SLC2A13: variants seen among roughly 807,000 people sequenced by gnomAD.
The protein encoded by SLC2A13 is proton myo-inositol cotransporter.
SLC2A13 carries 32 observed loss-of-function variants against 64.4 expected under a neutral mutation model. The ratio of observed to expected loss-of-function variants is 0.50; its 90% CI spans 0.37 to 0.67. SLC2A13 has a LOEUF of 0.67. SLC2A13 is among the 30% of genes least tolerant of loss of function. The probability of loss-of-function intolerance (pLI) is 0.00; values close to 1 mark genes in which losing one functional copy is unlikely to be tolerated. For synonymous variants in SLC2A13, 338 were observed against 327.1 expected (o/e 1.03, Z -0.36); for missense variants, 743 against 829.2 (o/e 0.90, Z 1.28).
intron 6 of SLC2A13, among the ~76,000 whole-genome samples, chr12:39,837,367 G>T (rs1316146652): frequency 7.3e-6 from 1 of 137,014 alleles, no homozygotes; most frequent in Non-Finnish European, 1.6e-5. Context: ...TTAAACGTTA[G>T]ACCTAAAACC....
At chr12:39,775,841 T>G (rs1004053559) in intron 7 of SLC2A13, among the ~76,000 whole-genome samples, 4 of 152,340 alleles carry the variant, frequency 2.6e-5, no homozygotes, top group South Asian at 2.1e-4. Context: ...AGACCAGAAG[T>G]GTTTCAGATT....
At position 40,064,903 on chromosome 12, in the gene SLC2A13, T is replaced by A. The variant is rs1937665530; in HGVS notation, c.557-16693A>T. On this transcript the variant is annotated intron_variant, in intron 1 of 9. Coordinates refer to ENST00000280871, the MANE Select transcript of SLC2A13 (RefSeq NM_052885.4). ...AAAAATTGATCATTTCAAAGAAAAA[T>A]TATTTTTTCTTAAAACTGAATAATA... Among the ~76,000 whole-genome samples, 4 of 152,084 alleles carry A rather than the reference T, an allele frequency of 2.6e-5. No individual in the cohort carries two copies. The South Asian group carries it at 8.3e-4, about 32-fold the overall frequency.
At chr12:40,049,155 C>T (rs960355042) in intron 1 of SLC2A13, among the ~76,000 whole-genome samples, 4 of 151,904 alleles carry the variant, frequency 2.6e-5, no homozygotes, top group African/African-American at 9.7e-5. Flanking sequence ...TTCAGCCTTA[C>T]CCAAAGGTTG....
At chr12:40,064,711 CCAT>C (rs1282124824) in intron 1 of SLC2A13, among the ~76,000 whole-genome samples, 2 of 152,082 alleles carry the variant, frequency 1.3e-5, no homozygotes, top group Non-Finnish European at 2.9e-5. Flanking sequence ...GTTACTGTTT[CCAT>C]CAAGGATGCT....
chr12:39,915,998 C>A (rs1034985443), intron 4 of SLC2A13, among the ~76,000 whole-genome samples: 5 of 151,790 alleles, frequency 3.3e-5, no homozygotes, highest in African/African-American at 1.2e-4. Flanking sequence ...ACTCCTATTT[C>A]CAAGAATTTA....
intron 1 of SLC2A13, among the ~76,000 whole-genome samples, chr12:40,061,015 T>C (rs559152580): frequency 1.3e-5 from 2 of 152,238 alleles, no homozygotes; most frequent in South Asian, 4.1e-4. Context: ...GATAAAGATA[T>C]TATGTAACTT....
intron 2 of SLC2A13, among the ~76,000 whole-genome samples, chr12:40,038,202 A>T (rs977464564): frequency 6.6e-6 from 1 of 152,050 alleles, no homozygotes; most frequent in Non-Finnish European, 1.5e-5. Flanking sequence ...TTTTCTTTCC[A>T]TTCAAAGCTA....
At chr12:39,904,200 T>C (rs1387940594) in intron 4 of SLC2A13, among the ~76,000 whole-genome samples, 7 of 152,086 alleles carry the variant, frequency 4.6e-5, no homozygotes, top group Admixed American at 3.3e-4. Context: ...GAAATGTTGT[T>C]TACCAGGGAA....
chr12:40,054,111 T>A (rs1041219554), intron 1 of SLC2A13, among the ~76,000 whole-genome samples: 2 of 152,110 alleles, frequency 1.3e-5, no homozygotes, highest in African/African-American at 4.8e-5. Flanking sequence ...AATATTCAAA[T>A]AAATGAGCAA....
At chr12:39,851,296 A>C (rs140958933) in intron 6 of SLC2A13, among the ~76,000 whole-genome samples, 1 of 152,340 alleles carries the variant, frequency 6.6e-6, no homozygotes, top group Non-Finnish European at 1.5e-5. Flanking sequence ...AGTTCTTCTT[A>C]TGAAATAACT....
At chr12:40,068,361 T>G (rs1937819350) in intron 1 of SLC2A13, 1 of 366,618 alleles carries the variant, frequency 2.7e-6, no homozygotes, top group Non-Finnish European at 5.3e-6. Context: ...TCCAGTATTA[T>G]TACCACTGTA....
intron 4 of SLC2A13, among the ~76,000 whole-genome samples, chr12:39,895,530 A>C (rs201175826): frequency 1.0e-5 from 1 of 97,668 alleles, no homozygotes; most frequent in Admixed American, 1.1e-4. Context: ...ATATATATAT[A>C]TATATATATA....
chr12:39,887,732 A>G lies in SLC2A13; in HGVS notation c.1035-15771T>C, dbSNP rs148975640. Among the ~76,000 whole-genome samples, 977 of 152,334 alleles carry G rather than the reference A, an allele frequency of 6.4e-3. 5 individuals carry two copies. Among genetic ancestry groups the G allele is most frequent in the Admixed American group, 0.017 (253 of 15,304 alleles). On this transcript the variant is annotated intron_variant, in intron 4 of 9. Transcript: ENST00000280871. The stretch of plus-strand genomic sequence containing the variant: ...GTGAAGACCATTTTATAATTTGTCC[A>G]AATCCTTTAAAAAAATTCCAGATTT...
At chr12:39,896,175 T>TGC (rs1944834379) in intron 4 of SLC2A13, among the ~76,000 whole-genome samples, 4 of 148,724 alleles carry the variant, frequency 2.7e-5, no homozygotes, top group East Asian at 2.0e-4. Context: ...CATATATGAA[T>TGC]ATGTATATAT....
At chr12:40,071,713 G>A (rs1164115631) in intron 1 of SLC2A13, among the ~76,000 whole-genome samples, 1 of 152,110 alleles carries the variant, frequency 6.6e-6, no homozygotes, top group Non-Finnish European at 1.5e-5. Context: ...TATCAAACTT[G>A]TAGGGATAGA....
At chr12:39,915,097 T>C (rs763620234) in intron 4 of SLC2A13, among the ~76,000 whole-genome samples, 1 of 151,898 alleles carries the variant, frequency 6.6e-6, no homozygotes, top group Non-Finnish European at 1.5e-5. Flanking sequence ...CCAAAGCATA[T>C]GGATAAAATG....
intron 3 of SLC2A13, among the ~76,000 whole-genome samples, chr12:39,981,233 A>C (rs1946887274): frequency 6.6e-6 from 1 of 150,434 alleles, no homozygotes; most frequent in Non-Finnish European, 1.5e-5. Context: ...GAAAGATCCA[A>C]AATTGACACC....
At chr12:40,015,076 C>T (rs1947601114) in intron 3 of SLC2A13, among the ~76,000 whole-genome samples, 1 of 151,920 alleles carries the variant, frequency 6.6e-6, no homozygotes, top group African/African-American at 2.4e-5. Flanking sequence ...GTCTATTTCT[C>T]ACATTATATA....
chr12:40,096,725 T>G (rs953582524), intron 1 of SLC2A13, among the ~76,000 whole-genome samples: 1 of 151,934 alleles, frequency 6.6e-6, no homozygotes, highest in Non-Finnish European at 1.5e-5. Flanking sequence ...TTTAATAATA[T>G]ATACAGTATA....
Sources: gnomAD v4.1 joint callset for allele counts (sites outside exome capture counted in the v4.1 genomes callset) on GRCh38, gnomAD v4.1.1 for gene constraint, MANE v1.5 for transcripts, NCBI Gene and HGNC (gene_info 2026-07-23, HGNC 2026-07-21) for gene names.